DNAH10: variants seen among roughly 807,000 people sequenced by gnomAD.
The protein encoded by DNAH10 is axonemal beta dynein heavy chain 10.
In DNAH10, 348 loss-of-function variants were observed where a neutral mutation model predicts 506.6. The ratio of observed to expected loss-of-function variants is 0.69; its 90% CI spans 0.63 to 0.75. DNAH10 has a LOEUF of 0.75. DNAH10 is among the 30% of genes least tolerant of loss of function. The pLI is 0.00. For missense variants in DNAH10, 5,179 were observed against 5,787.1 expected, an observed-to-expected ratio of 0.89 and a Z score of 3.41; for synonymous variants, 2,059 against 2,198.6, an observed-to-expected ratio of 0.94 and a Z score of 1.78.
intron 39 of DNAH10, among the ~76,000 whole-genome samples, chr12:123,862,690 C>T (rs965801273): frequency 2.0e-5 from 3 of 152,064 alleles, no homozygotes; most frequent in Admixed American, 1.3e-4. Context: ...CATGCCTGGC[C>T]GTTGAGTCCT....
intron 18 of DNAH10, among the ~76,000 whole-genome samples, chr12:123,807,346 G>A (rs2136311847): frequency 6.6e-6 from 1 of 152,276 alleles, no homozygotes; most frequent in Non-Finnish European, 1.5e-5. Context: ...GCAGGACACA[G>A]GGAAACAGAC....
Position 123,909,263 on chromosome 12 carries a change from C to G in DNAH10, c.9818C>G (p.Ser3273Trp). ...LDKSDVTEIR[S>W]FAKPPKQVQT... ...CACGTGCCTTGGTTTCTTGCCAGGT[C>G]GTTTGCTAAGCCCCCGAAGCAGGTG... Residue 3273 changes from serine to tryptophan, a missense_variant and splice_region_variant, in exon 58 of 79, where the codon TCG (serine) becomes TGG (tryptophan). Physicochemically the swap from Ser to Trp is radical, Grantham distance 177. Around this residue, in one of 3 missense-constraint regions of DNAH10, gnomAD observed 4,844 missense variants for 5,430.5 expected, o/e 0.89. Coordinates refer to ENST00000673944, the MANE Select transcript of DNAH10 (RefSeq NM_001372106.1). The surrounding 1 kb of genome is among the most constrained non-coding windows in gnomAD (Gnocchi z 5.4). 1 of 1,612,652 alleles carries G rather than the reference C, an allele frequency of 6.2e-7. No individual in the cohort carries two copies. The highest frequency in any genetic ancestry group is 8.5e-7 in the Non-Finnish European group (1 of 1,179,522).
At chr12:123,870,597 A>T in intron 44 of DNAH10, 112 bp downstream of exon 44, 3 of 1,411,612 alleles carry the variant, frequency 2.1e-6, no homozygotes, top group Non-Finnish European at 2.8e-6. Flanking sequence ...CCACGCAGAG[A>T]GCTGGTAGAG....
At chr12:123,789,604 G>A (rs1594030689) in intron 10 of DNAH10, among the ~76,000 whole-genome samples, 1 of 152,202 alleles carries the variant, frequency 6.6e-6, no homozygotes, top group East Asian at 1.9e-4. Context: ...GGCTTGTCTT[G>A]AACTCCTGGC....
At position 123,853,176 on chromosome 12, in the gene DNAH10, T is replaced by A; in HGVS notation, c.6292-30T>A. ...TTTTGAATCATTTTCTTTTTTCTTT[T>A]TTTTTGTATTATTATCTTCTATCAA... On this transcript the variant is annotated intron_variant, in intron 35 of 78. Transcript: ENST00000673944. The surrounding 1 kb of genome is among the most constrained non-coding windows in gnomAD (Gnocchi z 4.7). The A allele has an allele frequency of 6.6e-7, 1 of 1,510,050 alleles. No homozygotes were observed. Among genetic ancestry groups the A allele is most frequent in the African/African-American group, 1.4e-5 (1 of 71,002 alleles). 93.5% of individuals were successfully genotyped at this position (1,510,050 alleles called of 1,614,324 possible).
At chr12:123,864,143 C>CTTTTTT (rs770676668) in intron 39 of DNAH10, among the ~76,000 whole-genome samples, 7 of 117,134 alleles carry the variant, frequency 6.0e-5, no homozygotes, top group South Asian at 2.9e-4. Context: ...ACTTTTTTTT[C>CTTTTTT]TTTTTTTTTT....
At chr12:123,806,713 A>T (rs1958686374) in intron 18 of DNAH10, among the ~76,000 whole-genome samples, 1 of 151,478 alleles carries the variant, frequency 6.6e-6, no homozygotes. Flanking sequence ...AGATTCCTAA[A>T]GCAGTCCCTT....
At chr12:123,860,164 G>A (rs1274171753) in intron 38 of DNAH10, among the ~76,000 whole-genome samples, 1 of 152,184 alleles carries the variant, frequency 6.6e-6, no homozygotes, top group Admixed American at 6.5e-5. Flanking sequence ...CGTGGATGCT[G>A]ATAGCCCGGC....
chr12:123,916,950 G>A lies in DNAH10; in HGVS notation c.11002+214G>A, dbSNP rs181197489. Among the ~76,000 whole-genome samples, 23 of 152,338 alleles carry A rather than the reference G, an allele frequency of 1.5e-4. No homozygotes were observed. In the East Asian group the frequency reaches 3.3e-3, roughly 22 times the overall value. ...TCATGAGTCACGCTGAGACGGGGCC[G>A]TGGGCTTATGTGTTCACACATGGGG... On this transcript the variant is annotated intron_variant, in intron 63 of 78. Transcript: ENST00000673944. The surrounding 1 kb of genome is among the most constrained non-coding windows in gnomAD (Gnocchi z 4.6).
chr12:123,877,625 C>G, intron 47 of DNAH10, 111 bp from the exon 48 acceptor site: 5 of 1,396,236 alleles, frequency 3.6e-6, no homozygotes, highest in Non-Finnish European at 4.7e-6. Context: ...CAACTTCATT[C>G]CTTTCTATAG....
chr12:123,875,116 G>C (rs564019895), intron 46 of DNAH10, 115 bp from the exon 47 acceptor site: 1 of 1,207,192 alleles, frequency 8.3e-7, no homozygotes, highest in Admixed American at 2.7e-5. Flanking sequence ...CTGAAACCGA[G>C]GTGCCCTGGA....
Position 123,847,254 on chromosome 12 carries a change from CTATCTATCT to C in DNAH10, c.5815-706_5815-698del, listed in dbSNP as rs1471263760. 5.3e-4 allele frequency among the ~76,000 whole-genome samples: 79 copies of C among 150,280 alleles called. 1 individual carries two copies. In the South Asian group the frequency reaches 0.014, roughly 27 times the overall value. On this transcript the variant is annotated intron_variant, in intron 32 of 78. Coordinates refer to ENST00000673944, the MANE Select transcript of DNAH10 (RefSeq NM_001372106.1). The stretch of plus-strand genomic sequence containing the variant: ...TCTATCTATCTATCTATCTATCTAT[CTATCTATCT>C]ATCCATCCATCCATCCTGTCTATTT...
chr12:123,774,307 G>A lies in DNAH10; in HGVS notation c.621+43G>A, dbSNP rs749268850. The A allele has an allele frequency of 4.1e-6, 6 of 1,445,956 alleles. No individual in the cohort carries two copies. In the Admixed American group the frequency reaches 1.2e-4, roughly 29 times the overall value. 89.6% of individuals were successfully genotyped at this position (1,445,956 alleles called of 1,614,324 possible). On this transcript the variant is annotated intron_variant, in intron 5 of 78. Transcript: ENST00000673944. ...AAGAAATTCTAGTATTTCTAAAGTTGAGGTCATGTGGTTTGTTTATTCCAC... is the reference window on the plus strand; with the variant it reads ...AAGAAATTCTAGTATTTCTAAAGTTAAGGTCATGTGGTTTGTTTATTCCAC...
Position 123,913,694 on chromosome 12 carries a change from A to G in DNAH10, c.10352+379A>G, listed in dbSNP as rs568646564. Among the ~76,000 whole-genome samples the G allele has an allele frequency of 5.9e-5, 9 of 152,330 alleles. No homozygotes were observed. In the South Asian group the frequency reaches 1.7e-3, roughly 28 times the overall value. On this transcript the variant is annotated intron_variant, in intron 60 of 78. Transcript: ENST00000673944. The surrounding 1 kb of genome is among the most constrained non-coding windows in gnomAD (Gnocchi z 5.1). ...CTCTGTCACCGCACAGATGCCTTCT[A>G]AGGGTCCCAGTGGCTTGTTCAATCC...
At chr12:123,841,898 T>C (rs1265273593) in intron 30 of DNAH10, among the ~76,000 whole-genome samples, 1 of 152,080 alleles carries the variant, frequency 6.6e-6, no homozygotes, top group Non-Finnish European at 1.5e-5. Context: ...GTTGCCCAGG[T>C]TGGTCTCAAA....
chr12:123,903,356 G>C lies in DNAH10; in HGVS notation c.9815+243G>C, dbSNP rs1391279237. The stretch of plus-strand genomic sequence containing the variant: ...CAGCTAGTAGGAAGCAGGGCCTGCT[G>C]ACCTTGAACCCAGGCCAAGGGAAGG... On this transcript the variant is annotated intron_variant, in intron 57 of 78. Transcript: ENST00000673944. This position sits in a 1 kb window ranked among gnomAD's most constrained non-coding sequence, Gnocchi z 4.6. 6.6e-6 allele frequency among the ~76,000 whole-genome samples: 1 copy of C among 152,154 alleles called. No homozygotes were observed. The highest frequency in any genetic ancestry group is 2.4e-5 in the African/African-American group (1 of 41,428).
chr12:123,801,545 T>G, intron 16 of DNAH10, 113 bp downstream of exon 16: 1 of 1,344,826 alleles, frequency 7.4e-7, no homozygotes, highest in Non-Finnish European at 1.0e-6. Flanking sequence ...ATTAACAATT[T>G]TTGAGGGTTA....
chr12:123,874,867 G>A (rs1952188145), intron 46 of DNAH10, among the ~76,000 whole-genome samples: 2 of 151,076 alleles, frequency 1.3e-5, no homozygotes, highest in South Asian at 4.2e-4. Flanking sequence ...CTGTCCATCT[G>A]TCTGTCCATC....
intron 11 of DNAH10, among the ~76,000 whole-genome samples, chr12:123,790,661 G>A (rs1465149281): frequency 6.6e-6 from 1 of 152,142 alleles, no homozygotes; most frequent in African/African-American, 2.4e-5. Flanking sequence ...CTGAGGCAGA[G>A]CAAACAGAGG....
Sources: allele counts gnomAD v4.1 joint callset (sites outside exome capture counted in the v4.1 genomes callset), GRCh38; gene constraint gnomAD v4.1.1; regional missense constraint gnomAD v4.1.1; non-coding constraint Gnocchi (gnomAD v3.1); transcripts MANE v1.5; gene names NCBI Gene and HGNC (gene_info 2026-07-23, HGNC 2026-07-21).